ETNPPL: variants seen among roughly 807,000 people sequenced by gnomAD.
ETNPPL encodes the protein alanine--glyoxylate aminotransferase 2-like 1.
Under a neutral mutation model 55.5 loss-of-function variants are expected in ETNPPL, and 30 were observed. That is an observed-to-expected ratio of 0.54 (90% CI 0.40 to 0.73). ETNPPL has a LOEUF of 0.73. Among genes scored for constraint, ETNPPL ranks in the 30% least tolerant of loss-of-function variants. The pLI is 0.00. For missense variants in ETNPPL, 528 were observed against 607.9 expected (o/e 0.87, Z 1.38); for synonymous variants, 202 against 207.2 (o/e 0.98, Z 0.21).
Position 108,746,454 on chromosome 4 carries a change from G to C in ETNPPL, c.1248C>G (p.Cys416Trp). 1 of 1,613,884 alleles carries C rather than the reference G, an allele frequency of 6.2e-7. No individual in the cohort carries two copies. The highest frequency in any genetic ancestry group is 8.5e-7 in the Non-Finnish European group (1 of 1,179,928). The change falls in exon 11 of 13, where the codon TGC (cysteine) becomes TGG (tryptophan). Residue 416 changes from cysteine (C) to tryptophan (W), a missense_variant. Coordinates refer to ENST00000296486, the MANE Select transcript of ETNPPL (RefSeq NM_031279.4). ...RNVLKIKPPM[C>W]FTEEDAKFMV... ...TGAACTTTGCATCTTCTTCAGTGAA[G>C]CACATAGGTGGTTTTATTTTAAGTA...
intron 9 of ETNPPL, among the ~76,000 whole-genome samples, chr4:108,747,061 CT>C (rs1366686107): frequency 7.0e-6 from 1 of 143,328 alleles, no homozygotes; most frequent in Non-Finnish European, 1.5e-5. Context: ...AAGAAAATGG[CT>C]TAAAAACAAC....
chr4:108,749,583 C>T (rs573983619), intron 7 of ETNPPL, 120 bp from the exon 8 acceptor site: 3 of 685,040 alleles, frequency 4.4e-6, no homozygotes, highest in Non-Finnish European at 7.5e-6. Context: ...CTTAATTTTT[C>T]TTAAAAAACA....
At chr4:108,742,931 CA>C (rs1337918715) in intron 12 of ETNPPL, among the ~76,000 whole-genome samples, 1 of 152,132 alleles carries the variant, frequency 6.6e-6, no homozygotes, top group Non-Finnish European at 1.5e-5. Context: ...CTTGGGGAAC[CA>C]GTGGTTACAG....
rs751541248 is a variant in ETNPPL, at chr4:108,762,876, C to G, written c.23G>C (p.Arg8Pro). Reference sequence around the variant, plus strand: ...CTTCTTCCTCAGCCCCAGAGTGTCCCGCTTACTGTACAGCTCGCACATGGT... The same window carrying G: ...CTTCTTCCTCAGCCCCAGAGTGTCCGGCTTACTGTACAGCTCGCACATGGT... The part of the protein sequence containing the change: MCELYSK[R>P]DTLGLRKKHI... Residue 8 changes from arginine to proline, a missense_variant, in exon 1 of 13, where the codon CGG becomes CCG. Coordinates refer to ENST00000296486, the MANE Select transcript of ETNPPL (RefSeq NM_031279.4). The G allele has an allele frequency of 8.7e-6, 14 of 1,614,000 alleles. No homozygotes were observed. In the East Asian group the frequency reaches 1.8e-4, roughly 21 times the overall value.
intron 7 of ETNPPL, 46 bp downstream of exon 7, chr4:108,750,890 C>A: frequency 7.5e-7 from 1 of 1,326,838 alleles, no homozygotes; most frequent in South Asian, 1.2e-5. Context: ...ACAGAATTGT[C>A]ACAGTGCTCT....
At chr4:108,750,029 T>G (rs1319062298) in intron 7 of ETNPPL, among the ~76,000 whole-genome samples, 1 of 152,150 alleles carries the variant, frequency 6.6e-6, no homozygotes. Flanking sequence ...CCATATTACC[T>G]TTTAAGTGGG....
rs1206193510 is a variant in ETNPPL, at chr4:108,754,701, A to G, written c.420T>C (p.His140=). ...QDVITLDHAY[H]GHLSSLIEIS... ...TCTCAATTAAGGATGATAGGTGACC[A>G]TGGTAAGCACTGAAGAGACAAAGAA... Residue 140 remains histidine, a synonymous_variant, in exon 5 of 13, where the codon CAT becomes CAC. Transcript: ENST00000296486. 6.3e-7 allele frequency: 1 copy of G among 1,579,380 alleles called. No individual in the cohort carries two copies. Among genetic ancestry groups the G allele is most frequent in the Non-Finnish European group, 8.7e-7 (1 of 1,151,488 alleles).
chr4:108,753,757 A>AAAGAAAGAAAGAAAGAAAG, intron 5 of ETNPPL, among the ~76,000 whole-genome samples: 1 of 112,882 alleles, frequency 8.9e-6, no homozygotes, highest in Non-Finnish European at 1.7e-5. Flanking sequence ...AATAAGAAAG[A>AAAGAAAGAAAGAAAGAAAG]AAGAAAGAAA....
chr4:108,754,472 T>A, intron 5 of ETNPPL, 148 bp downstream of exon 5: 1 of 550,614 alleles, frequency 1.8e-6, no homozygotes, highest in Non-Finnish European at 3.2e-6. Context: ...ATTCTGTCAT[T>A]ATTTAGCCCT....
chr4:108,746,181 A>C lies in ETNPPL; in HGVS notation c.1303+218T>G, dbSNP rs553349874. 6.6e-5 allele frequency among the ~76,000 whole-genome samples: 10 copies of C among 152,340 alleles called. No individual in the cohort carries two copies. In the South Asian group the frequency reaches 2.1e-3, roughly 32 times the overall value. ...TCAGCAAAAACTTATATTTGGAGTT[A>C]TATGAATACAAACTGAAAATTTCAA... On this transcript the variant is annotated intron_variant, in intron 11 of 12. Coordinates refer to ENST00000296486, the MANE Select transcript of ETNPPL (RefSeq NM_031279.4).
At position 108,762,945 on chromosome 4, in the gene ETNPPL, C is replaced by A. The variant is rs1197011306; in HGVS notation, c.-47G>T. ...GCGAAGGTGCAAGGTGCAAGGTCTG[C>A]GCGCCTCCTACGCGAGCCTGGGACT... is the stretch of plus-strand genomic sequence containing the variant. On this transcript the variant is annotated 5_prime_UTR_variant, in exon 1 of 13. Coordinates refer to ENST00000296486, the MANE Select transcript of ETNPPL (RefSeq NM_031279.4). The A allele has an allele frequency of 1.3e-6, 2 of 1,581,308 alleles. No individual in the cohort carries two copies. The highest frequency in any genetic ancestry group is 1.7e-6 in the Non-Finnish European group (2 of 1,152,516).
intron 1 of ETNPPL, among the ~76,000 whole-genome samples, chr4:108,761,089 G>A (rs940604736): frequency 2.6e-5 from 4 of 152,172 alleles, no homozygotes; most frequent in African/African-American, 9.6e-5. Flanking sequence ...TGTTTTTTGA[G>A]CATAATAAGG....
chr4:108,744,979 A>G (rs1398983195), intron 11 of ETNPPL, among the ~76,000 whole-genome samples: 1 of 150,710 alleles, frequency 6.6e-6, no homozygotes, highest in Non-Finnish European at 1.5e-5. Flanking sequence ...AAGTCAAGCA[A>G]TTTGCTTACC....
chr4:108,756,480 G>A lies in ETNPPL; in HGVS notation c.348C>T (p.Asn116=), dbSNP rs377536327. The part of the protein sequence containing the change: ...CYFTNSGSEA[N]DLALRLARQF... ...GCCGAGCCAGGCGTAAGGCTAAGTC[G>A]TTGGCTTCGGATCTATTAAGATAAC... Residue 116 remains asparagine, a synonymous_variant, in exon 4 of 13, where the codon AAC becomes AAT. Transcript: ENST00000296486. 1.2e-4 allele frequency: 198 copies of A among 1,613,276 alleles called. No individual in the cohort carries two copies. The highest frequency in any genetic ancestry group is 1.7e-4 in the Non-Finnish European group (196 of 1,179,350).
chr4:108,753,047 G>C, intron 5 of ETNPPL, 36 bp from the exon 6 acceptor site: 1 of 1,231,436 alleles, frequency 8.1e-7, no homozygotes, highest in East Asian at 2.4e-5. Flanking sequence ...CTTGTAATTT[G>C]CCTTTTCGAC....
intron 12 of ETNPPL, 115 bp from the exon 13 acceptor site, chr4:108,742,727 A>C: frequency 8.8e-7 from 1 of 1,138,634 alleles, no homozygotes; most frequent in Non-Finnish European, 1.3e-6. Context: ...AAACAAAACA[A>C]CACTGCTTGC....
chr4:108,760,291 A>AACTTTGCATGAGGGCCTAGAAATAAT lies in ETNPPL; in HGVS notation c.57-11_71dup (p.Phe25LeufsTer18). 6.2e-7 allele frequency: 1 copy of AACTTTGCATGAGGGCCTAGAAATAAT among 1,600,826 alleles called. No individual in the cohort carries two copies. The highest frequency in any genetic ancestry group is 8.6e-7 in the Non-Finnish European group (1 of 1,168,660). On this transcript the variant is annotated frameshift_variant, in exon 2 of 13. Coordinates refer to ENST00000296486, the MANE Select transcript of ETNPPL (RefSeq NM_031279.4). LOFTEE classifies it high-confidence loss of function. ...TTTTGATGGGATCCGATGCAAAGAA[A>AACTTTGCATGAGGGCCTAGAAATAAT]ACTTTGCATGAGGGCCTAGAAATAA...
chr4:108,758,451 C>T (rs952643502), intron 3 of ETNPPL, among the ~76,000 whole-genome samples: 3 of 151,986 alleles, frequency 2.0e-5, no homozygotes, highest in African/African-American at 7.3e-5. Flanking sequence ...TTTGAATTTA[C>T]AGAATTTAAA....
chr4:108,743,987 G>A (rs1402697604), intron 11 of ETNPPL, 131 bp from the exon 12 acceptor site: 1 of 649,224 alleles, frequency 1.5e-6, no homozygotes, highest in South Asian at 1.9e-5. Context: ...AATGGGCTGG[G>A]CGCTGTGGCT....
Sources: gnomAD v4.1 joint callset for allele counts (sites outside exome capture counted in the v4.1 genomes callset) on GRCh38, gnomAD v4.1.1 for gene constraint, MANE v1.5 for transcripts, NCBI Gene and HGNC (gene_info 2026-07-23, HGNC 2026-07-21) for gene names.